Variants in CNTN4 observed in about 807,000 individuals in gnomAD.
The protein encoded by CNTN4 is contactin-4.
CNTN4 carries 77 observed loss-of-function variants against 122.5 expected under a neutral mutation model. The ratio of observed to expected loss-of-function variants is 0.63; its 90% CI spans 0.52 to 0.76. The LOEUF (loss-of-function observed/expected upper bound fraction) is 0.76, where lower values mean the gene tolerates loss of function less well. Ranked by LOEUF, CNTN4 falls within the 30% of genes least tolerant of loss-of-function variation. The pLI, the probability that CNTN4 is intolerant of heterozygous loss-of-function variation, is 0.00. For synonymous variants in CNTN4, 512 were observed against 447.0 expected, an observed-to-expected ratio of 1.15 and a Z score of -1.83; for missense variants, 1,256 against 1,259.1, an observed-to-expected ratio of 1.00 and a Z score of 0.04.
intron 13 of CNTN4, among the ~76,000 whole-genome samples, chr3:2,936,494 A>T (rs564250486): frequency 6.6e-6 from 1 of 152,318 alleles, no homozygotes; most frequent in South Asian, 2.1e-4. Flanking sequence ...TTCAGGATAG[A>T]CACTAAGTCT....
intron 2 of CNTN4, among the ~76,000 whole-genome samples, chr3:2,156,274 G>A (rs17008491): frequency 0.04 from 6,149 of 152,262 alleles, 253 homozygotes; most frequent in East Asian, 0.15. Context: ...GGAACCATGG[G>A]AACCTTGGAA....
At chr3:2,150,439 A>AT (rs2125400675) in intron 2 of CNTN4, among the ~76,000 whole-genome samples, 1 of 152,322 alleles carries the variant, frequency 6.6e-6, no homozygotes, top group South Asian at 2.1e-4. Context: ...ATTTGAAACT[A>AT]TAAGTATCTT....
At chr3:2,616,440 C>T (rs2081741516) in intron 4 of CNTN4, among the ~76,000 whole-genome samples, 1 of 152,112 alleles carries the variant, frequency 6.6e-6, no homozygotes, top group Non-Finnish European at 1.5e-5. Context: ...AATAAACATA[C>T]ATGTGCATAT....
At chr3:2,536,088 C>G (rs1372690871) in intron 3 of CNTN4, among the ~76,000 whole-genome samples, 1 of 152,108 alleles carries the variant, frequency 6.6e-6, no homozygotes, top group Non-Finnish European at 1.5e-5. Context: ...TTTAAAACCT[C>G]ATTTTCTTTA....
At chr3:2,566,237 C>G (rs562828133) in intron 3 of CNTN4, among the ~76,000 whole-genome samples, 2 of 152,290 alleles carry the variant, frequency 1.3e-5, no homozygotes, top group South Asian at 4.1e-4. Context: ...TAGAAGAGTT[C>G]ATTACCTTTA....
chr3:2,900,966 G>A, intron 11 of CNTN4, 145 bp downstream of exon 11: 3 of 1,041,034 alleles, frequency 2.9e-6, no homozygotes, highest in African/African-American at 1.6e-5. Flanking sequence ...GAGAGTGAAT[G>A]CAATTGATAA....
intron 4 of CNTN4, among the ~76,000 whole-genome samples, chr3:2,713,090 A>T (rs917050395): frequency 3.3e-5 from 5 of 152,216 alleles, no homozygotes. Flanking sequence ...CTCAACTTGA[A>T]GCCAGTCAGG....
At chr3:2,594,388 TG>T (rs1253904611) in intron 4 of CNTN4, among the ~76,000 whole-genome samples, 1 of 151,644 alleles carries the variant, frequency 6.6e-6, no homozygotes, top group Non-Finnish European at 1.5e-5. Context: ...CTGGAGTAAC[TG>T]GTTAACCAGG....
At chr3:2,388,547 A>G (rs959435592) in intron 3 of CNTN4, among the ~76,000 whole-genome samples, 2 of 152,212 alleles carry the variant, frequency 1.3e-5, no homozygotes, top group Non-Finnish European at 2.9e-5. Flanking sequence ...CTTATTTAGA[A>G]ATCTACCTAA....
chr3:2,452,779 CT>C (rs2048875119), intron 3 of CNTN4, among the ~76,000 whole-genome samples: 1 of 151,848 alleles, frequency 6.6e-6, no homozygotes, highest in African/African-American at 2.4e-5. Context: ...TTTCCTAATC[CT>C]CGTATGAAGA....
Position 3,053,932 on chromosome 3 carries a change from A to T in CNTN4, c.2937A>T (p.Gly979=). ...IIEIKPFSDG[G]DGSSSEQIRI... ...AAATTAAGCCATTCAGCGACGGAGG[A>T]GATGGCAGCAGCAGTGAACAAATTC... The change falls in exon 24 of 25, where the codon GGA becomes GGT. Residue 979 remains glycine (G), a synonymous_variant. Coordinates refer to ENST00000418658, the MANE Select transcript of CNTN4 (RefSeq NM_175607.3). 1 of 1,614,138 alleles carries T rather than the reference A, an allele frequency of 6.2e-7. No homozygotes were observed. The highest frequency in any genetic ancestry group is 8.5e-7 in the Non-Finnish European group (1 of 1,179,996).
chr3:2,290,444 TTAG>T (rs1483059950), intron 2 of CNTN4, among the ~76,000 whole-genome samples: 3 of 152,188 alleles, frequency 2.0e-5, no homozygotes, highest in Non-Finnish European at 2.9e-5. Flanking sequence ...AATGAAGTAC[TTAG>T]TAAGGTCTGT....
intron 2 of CNTN4, among the ~76,000 whole-genome samples, chr3:2,249,065 A>G (rs568523561): frequency 5.9e-5 from 9 of 152,096 alleles, no homozygotes; most frequent in African/African-American, 2.2e-4. Context: ...TGACCTCATT[A>G]CTATACATTA....
At chr3:2,973,757 A>T (rs1388915099) in intron 13 of CNTN4, among the ~76,000 whole-genome samples, 1 of 151,454 alleles carries the variant, frequency 6.6e-6, no homozygotes, top group Non-Finnish European at 1.5e-5. Context: ...TCATTTGAGT[A>T]AATGGGGTGA....
At chr3:2,661,495 T>G (rs1366280171) in intron 4 of CNTN4, among the ~76,000 whole-genome samples, 6 of 150,168 alleles carry the variant, frequency 4.0e-5, no homozygotes, top group Non-Finnish European at 7.4e-5. Context: ...AAAAAAGCTG[T>G]GATCAAATAA....
At chr3:2,488,392 C>T (rs2151641851) in intron 3 of CNTN4, among the ~76,000 whole-genome samples, 1 of 152,208 alleles carries the variant, frequency 6.6e-6, no homozygotes, top group African/African-American at 2.4e-5. Context: ...CTCCCACATC[C>T]CAAATATGTG....
intron 7 of CNTN4, among the ~76,000 whole-genome samples, chr3:2,827,427 G>A (rs774761827): frequency 3.5e-4 from 54 of 152,302 alleles, no homozygotes; most frequent in Non-Finnish European, 5.1e-4. Flanking sequence ...ATTAGGCTGG[G>A]TTTGATTGTT....
At chr3:2,321,147 T>G (rs376298696) in intron 2 of CNTN4, among the ~76,000 whole-genome samples, 96 of 152,256 alleles carry the variant, frequency 6.3e-4, no homozygotes, top group African/African-American at 2.2e-3. Context: ...GGACCCATTT[T>G]AATTCACAGA....
chr3:2,234,701 T>C (rs936755937), intron 2 of CNTN4, among the ~76,000 whole-genome samples: 1 of 152,206 alleles, frequency 6.6e-6, no homozygotes, highest in African/African-American at 2.4e-5. Flanking sequence ...TTTGAATCTT[T>C]ATCAGCGACT....
Sources: allele counts gnomAD v4.1 joint callset (sites outside exome capture counted in the v4.1 genomes callset), GRCh38; gene constraint gnomAD v4.1.1; transcripts MANE v1.5; gene names NCBI Gene and HGNC (gene_info 2026-07-23, HGNC 2026-07-21).